NPC1L1: variants seen among roughly 807,000 people sequenced by gnomAD.
NPC1L1 encodes NPC1 like intracellular cholesterol transporter 1, also known as NPC1-like intracellular cholesterol transporter 1.
In NPC1L1, 98 loss-of-function variants were observed where a neutral mutation model predicts 117.0. The observed-to-expected ratio is 0.84, with a 90% confidence interval of 0.71 to 0.99. NPC1L1 has a LOEUF of 0.99. NPC1L1 is among the 50% of genes least tolerant of loss of function. The probability of loss-of-function intolerance (pLI) is 0.00; values close to 1 mark genes in which losing one functional copy is unlikely to be tolerated. For missense variants in NPC1L1, 1,540 were observed against 1,710.0 expected (o/e 0.90, Z 1.75); for synonymous variants, 729 against 727.6 (o/e 1.00, Z -0.03).
At chr7:44,513,737 G>C (rs1384781366) in intron 18 of NPC1L1, 88 bp from the exon 19 acceptor site, 9 of 1,435,110 alleles carry the variant, frequency 6.3e-6, no homozygotes, top group Non-Finnish European at 6.7e-6. Flanking sequence ...CAAACCCAGG[G>C]CAGGAAGGGT....
At chr7:44,529,957 C>T (rs375582917) in intron 10 of NPC1L1, among the ~76,000 whole-genome samples, 19 of 151,470 alleles carry the variant, frequency 1.3e-4, no homozygotes, top group South Asian at 2.1e-4. Flanking sequence ...TCGCTTGAAC[C>T]TGGGAGGTGG....
rs1391556932 is a variant in NPC1L1, at chr7:44,531,801, A to ATGT, written c.2590_2591insACA (p.Ser863_Met864insAsn). On this transcript the variant is annotated inframe_insertion, in exon 10 of 19. Transcript: ENST00000381160. ...GTCCAGTCCCACGCTGATGTGGCAC[A>ATGT]TGGAGTAGAGGCTCACTCCGAACAG... 6.3e-7 allele frequency: 1 copy of ATGT among 1,590,214 alleles called. No homozygotes were observed. Among genetic ancestry groups the ATGT allele is most frequent in the Non-Finnish European group, 8.6e-7 (1 of 1,168,730 alleles).
chr7:44,516,035 G>T (rs751895918), intron 17 of NPC1L1, 49 bp downstream of exon 17: 3 of 1,607,690 alleles, frequency 1.9e-6, no homozygotes, highest in Non-Finnish European at 2.5e-6. Context: ...ATCAGGCAGG[G>T]CACAGGGTGT....
chr7:44,537,433 C>T (rs185137225), intron 2 of NPC1L1, among the ~76,000 whole-genome samples: 117 of 152,316 alleles, frequency 7.7e-4, no homozygotes, highest in Non-Finnish European at 1.4e-3. Context: ...CTAGGGCCCC[C>T]GAAACCCTTT....
In NPC1L1 at chr7:44,539,191, G is replaced by A. The variant is rs147629886; in HGVS notation, c.1206C>T (p.Gly402=). 2.6e-4 allele frequency: 418 copies of A among 1,614,110 alleles called. 1 individual carries two copies. In the African/African-American group the frequency reaches 5.1e-3, roughly 20 times the overall value. ...SEKAFHDQHF[G]PFFRTNQVIL... Reference sequence around the variant, plus strand: ...TCACCTGGTTGGTTCGGAAGAAGGGGCCGAAATGCTGGTCATGGAAAGCTT... The same window carrying A: ...TCACCTGGTTGGTTCGGAAGAAGGGACCGAAATGCTGGTCATGGAAAGCTT... The change falls in exon 2 of 19, where the codon GGC becomes GGT. Residue 402 remains glycine (G), a synonymous_variant. Transcript: ENST00000381160. This position sits in a 1 kb window ranked among gnomAD's most constrained non-coding sequence, Gnocchi z 4.4.
At position 44,536,284 on chromosome 7, in the gene NPC1L1, C is replaced by G. The variant is rs1207931623; in HGVS notation, c.1826G>C (p.Gly609Ala). Reference sequence around the variant, plus strand: ...AGCCATGAACGTGACCTGGAACATGCCAGCCATCCGACGCTGGAAGGCTCG... The same window carrying G: ...AGCCATGAACGTGACCTGGAACATGGCAGCCATCCGACGCTGGAAGGCTCG... Reference protein sequence around the residue: ...EMRAFQRRMAGMFQVTFMAER... With the variant: ...EMRAFQRRMAAMFQVTFMAER... The change falls in exon 4 of 19, where the codon GGC becomes GCC. Residue 609 changes from glycine (G) to alanine (A), a missense_variant. Transcript: ENST00000381160. The surrounding 1 kb of genome is among the most constrained non-coding windows in gnomAD (Gnocchi z 4.7). The G allele has an allele frequency of 1.9e-6, 3 of 1,614,084 alleles. No homozygotes were observed. In the Admixed American group the frequency reaches 5.0e-5, roughly 27 times the overall value.
chr7:44,529,439 C>T (rs186801521), intron 10 of NPC1L1, among the ~76,000 whole-genome samples: 11 of 150,674 alleles, frequency 7.3e-5, no homozygotes, highest in South Asian at 4.2e-4. Flanking sequence ...AGTGCAATGG[C>T]GTGATCTCAG....
intron 2 of NPC1L1, among the ~76,000 whole-genome samples, chr7:44,537,562 C>G (rs146630339): frequency 6.6e-6 from 1 of 152,208 alleles, no homozygotes; most frequent in South Asian, 2.1e-4. Context: ...CTGCAAAGCC[C>G]GTCATTGCGA....
intron 12 of NPC1L1, 79 bp downstream of exon 12, chr7:44,521,633 C>A: frequency 6.2e-7 from 1 of 1,609,118 alleles, no homozygotes; most frequent in Admixed American, 1.7e-5. Context: ...TTGAGGGAGC[C>A]TCTCCAGTCC....
chr7:44,517,292 C>T lies in NPC1L1; in HGVS notation c.3202G>A (p.Ala1068Thr). The T allele has an allele frequency of 1.2e-6, 2 of 1,614,178 alleles. No individual in the cohort carries two copies. The highest frequency in any genetic ancestry group is 1.7e-6 in the Non-Finnish European group (2 of 1,180,036). ...NSQDYTEALRAARELAANITA... is the reference protein window; with the variant it reads ...NSQDYTEALRTARELAANITA... ...ATGTTGGCTGCCAGCTCTCGAGCTGCCCGCAGAGCTTCTGTGTAATCCTGT... is the reference window on the plus strand; with the variant it reads ...ATGTTGGCTGCCAGCTCTCGAGCTGTCCGCAGAGCTTCTGTGTAATCCTGT... Residue 1068 changes from alanine (A) to threonine (T), a missense_variant, in exon 15 of 19, where the codon GCA becomes ACA. Ala to Thr is a moderately conservative substitution (Grantham distance 58, BLOSUM62 0). Transcript: ENST00000381160.
rs1387931865 is a variant in NPC1L1, at chr7:44,533,782, G to A, written c.2238C>T (p.Ser746=). 1 of 1,614,082 alleles carries A rather than the reference G, an allele frequency of 6.2e-7. No individual in the cohort carries two copies. The highest frequency in any genetic ancestry group is 1.1e-5 in the South Asian group (1 of 91,070). The change falls in exon 7 of 19, where the codon AGC becomes AGT. Residue 746 remains serine (S), a synonymous_variant. Coordinates refer to ENST00000381160, the MANE Select transcript of NPC1L1 (RefSeq NM_001101648.2). ...IGRALGRVAP[S]MLLCSLSEAI... is the part of the protein sequence containing the mutation. The stretch of plus-strand genomic sequence containing the variant: ...CCTCAGAGAGGCTGCACAACAGCAT[G>A]CTGGGAGCCACCCTGCCTAGGGCTC...
Position 44,536,619 on chromosome 7 carries a change from A to T in NPC1L1, c.1682-191T>A, listed in dbSNP as rs1801903898. 6.6e-6 allele frequency among the ~76,000 whole-genome samples: 1 copy of T among 151,634 alleles called. No individual in the cohort carries two copies. The highest frequency in any genetic ancestry group is 2.4e-5 in the African/African-American group (1 of 41,232). On this transcript the variant is annotated intron_variant, in intron 3 of 18. Transcript: ENST00000381160. The surrounding 1 kb of genome is among the most constrained non-coding windows in gnomAD (Gnocchi z 4.7). ...CCCACTTCTCTCAGCCAAAGGCGAGACCTTTGGGCCCAGGCAGAAAAACCA... is the reference window on the plus strand; with the variant it reads ...CCCACTTCTCTCAGCCAAAGGCGAGTCCTTTGGGCCCAGGCAGAAAAACCA...
chr7:44,527,150 T>C (rs1167982838), intron 10 of NPC1L1, among the ~76,000 whole-genome samples: 1 of 151,822 alleles, frequency 6.6e-6, no homozygotes, highest in Non-Finnish European at 1.5e-5. Flanking sequence ...AGGAATCCTG[T>C]AGGTTGAAAT....
intron 10 of NPC1L1, among the ~76,000 whole-genome samples, chr7:44,524,623 C>T (rs562214252): frequency 6.6e-5 from 10 of 152,154 alleles, no homozygotes; most frequent in African/African-American, 2.4e-4. Context: ...AGCATGGTGG[C>T]AGGCACCTGT....
intron 14 of NPC1L1, among the ~76,000 whole-genome samples, chr7:44,518,171 TG>T (rs1310275755): frequency 6.6e-6 from 1 of 151,950 alleles, no homozygotes; most frequent in Admixed American, 6.5e-5. Flanking sequence ...AAGGGTTTTT[TG>T]TTCTTGTTTT....
In NPC1L1 at chr7:44,541,072, T is replaced by C. The variant is rs572439891; in HGVS notation, c.54+134A>G. 8 of 942,466 alleles carry C rather than the reference T, an allele frequency of 8.5e-6. No homozygotes were observed. The East Asian group carries it at 1.8e-4, about 22-fold the overall frequency. The allele number at this position is 942,466 out of a possible 1,614,324, so 58.4% of individuals were successfully genotyped here. A position where few individuals can be genotyped will look rare whatever the true frequency, so the allele number is the denominator to read the frequency against. On this transcript the variant is annotated intron_variant, in intron 1 of 18. Coordinates refer to ENST00000381160, the MANE Select transcript of NPC1L1 (RefSeq NM_001101648.2). ...TGTGGGGCCTGGCATCCCTCATGTG[T>C]CCAGAGACTTGCCCAGCCCGCAGGC...
rs758670507 is a variant in NPC1L1 at position 44,536,791 on chromosome 7, G to T, written c.1681+51C>A. 2 of 1,486,580 alleles carry T rather than the reference G, an allele frequency of 1.3e-6. No homozygotes were observed. The highest frequency in any genetic ancestry group is 1.9e-6 in the Non-Finnish European group (2 of 1,064,586). 92.1% of individuals were successfully genotyped at this position (1,486,580 alleles called of 1,614,324 possible). Reference sequence around the variant, plus strand: ...TCCCACCCTCCCGTCTATGGTTCCTGCCCCAATACTGCATCTTCCTTGGCT... The same window carrying T: ...TCCCACCCTCCCGTCTATGGTTCCTTCCCCAATACTGCATCTTCCTTGGCT... On this transcript the variant is annotated intron_variant, in intron 3 of 18. Transcript: ENST00000381160. This position sits in a 1 kb window ranked among gnomAD's most constrained non-coding sequence, Gnocchi z 4.7.
At chr7:44,524,012 C>T (rs1397666647) in intron 10 of NPC1L1, among the ~76,000 whole-genome samples, 1 of 152,204 alleles carries the variant, frequency 6.6e-6, no homozygotes, top group Non-Finnish European at 1.5e-5. Context: ...CCACATCTTA[C>T]TAAAGTGACT....
chr7:44,534,633 C>G lies in NPC1L1; in HGVS notation c.1984-4G>C, dbSNP rs762169559. 1.9e-5 allele frequency: 31 copies of G among 1,613,700 alleles called. No homozygotes were observed. Among genetic ancestry groups the G allele is most frequent in the Non-Finnish European group, 2.6e-5 (31 of 1,179,880 alleles). On this transcript the variant is annotated splice_region_variant and splice_polypyrimidine_tract_variant and intron_variant, in intron 5 of 18. Transcript: ENST00000381160. This position sits in a 1 kb window ranked among gnomAD's most constrained non-coding sequence, Gnocchi z 5.2. ...CCAGCGTGGCCTTGGAGTCCACCTG[C>G]AATGCAAACAGGCTCAGCCCCCTAG...
Sources: allele counts gnomAD v4.1 joint callset (sites outside exome capture counted in the v4.1 genomes callset), GRCh38; gene constraint gnomAD v4.1.1; non-coding constraint Gnocchi (gnomAD v3.1); transcripts MANE v1.5; gene names NCBI Gene and HGNC (gene_info 2026-07-23, HGNC 2026-07-21).